Variants in HDAC8 observed in about 807,000 individuals in gnomAD.
The protein encoded by HDAC8 is histone deacetylase 8, also known as histone deacetylase-like 1.
A neutral mutation model predicts 32.2 loss-of-function variants in HDAC8; 1 was observed. That is an observed-to-expected ratio of 0.03 (90% CI 0.01 to 0.15). The LOEUF (loss-of-function observed/expected upper bound fraction) is 0.15. Among genes scored for constraint, HDAC8 ranks in the 10% least tolerant of loss-of-function variants. HDAC8 has a pLI of 1.00. For synonymous variants in HDAC8, 108 were observed against 113.9 expected (o/e 0.95, Z 0.33); for missense variants, 117 against 300.0 (o/e 0.39, Z 4.51).
intron 4 of HDAC8, among the ~76,000 whole-genome samples, chrX:72,503,582 A>G (rs1163485432): frequency 8.9e-6 from 1 of 111,978 alleles, no homozygotes. Flanking sequence ...AAATGTTTGT[A>G]AATGATATCT....
intron 10 of HDAC8, among the ~76,000 whole-genome samples, chrX:72,333,858 G>A (rs1378778493): frequency 4.5e-5 from 5 of 111,242 alleles, no homozygotes; most frequent in Non-Finnish European, 9.4e-5. Flanking sequence ...GGTGTGAAGT[G>A]AGAGTCCTTC....
At chrX:72,506,236 T>G (rs1304762992) in intron 4 of HDAC8, among the ~76,000 whole-genome samples, 1 of 112,610 alleles carries the variant, frequency 8.9e-6, no homozygotes, top group African/African-American at 3.2e-5. Context: ...ACATGAAAGA[T>G]GACTGTCTTA....
intron 9 of HDAC8, among the ~76,000 whole-genome samples, chrX:72,441,047 G>C (rs1269466323): frequency 2.7e-5 from 3 of 113,169 alleles, no homozygotes; most frequent in Non-Finnish European, 5.6e-5. Context: ...CGAACTGGGT[G>C]GAGCCCACCA....
chrX:72,358,212 C>T (rs1318690112), intron 9 of HDAC8, among the ~76,000 whole-genome samples: 3 of 111,487 alleles, frequency 2.7e-5, no homozygotes, highest in African/African-American at 9.8e-5. Context: ...CCACCATGCC[C>T]GGCTCTTCAG....
At chrX:72,482,758 G>T (rs782330186) in intron 7 of HDAC8, among the ~76,000 whole-genome samples, 1 of 111,877 alleles carries the variant, frequency 8.9e-6, no homozygotes, top group South Asian at 3.7e-4. Flanking sequence ...ACAGACGTGG[G>T]TTCAAACACA....
At chrX:72,525,495 T>C (rs1740514077) in intron 4 of HDAC8, among the ~76,000 whole-genome samples, 2 of 110,220 alleles carry the variant, frequency 1.8e-5, no homozygotes, top group African/African-American at 6.6e-5. Flanking sequence ...ATTAATTCCT[T>C]CCTTCAACAA....
intron 4 of HDAC8, among the ~76,000 whole-genome samples, chrX:72,496,975 C>A (rs898008787): frequency 3.6e-5 from 4 of 111,582 alleles, no homozygotes; most frequent in Non-Finnish European, 7.5e-5. Flanking sequence ...CACCCTTTTG[C>A]GTTACGAGAA....
At chrX:72,365,520 A>G (rs1555954040) in intron 9 of HDAC8, among the ~76,000 whole-genome samples, 1 of 111,633 alleles carries the variant, frequency 9.0e-6, no homozygotes, top group African/African-American at 3.3e-5. Context: ...ATAAGGCTTC[A>G]TGGAGGAGAT....
chrX:72,356,566 G>A (rs961698043), intron 9 of HDAC8, among the ~76,000 whole-genome samples: 5 of 110,799 alleles, frequency 4.5e-5, no homozygotes, highest in African/African-American at 1.3e-4. Context: ...AAGCTTGTGG[G>A]AGATACTGCA....
intron 4 of HDAC8, among the ~76,000 whole-genome samples, chrX:72,543,609 T>C (rs1603212788): frequency 1.8e-5 from 2 of 111,773 alleles, no homozygotes; most frequent in Admixed American, 9.4e-5. Context: ...ACTGTAGAAA[T>C]CATAAAGGCA....
At chrX:72,481,750 C>T (rs951681836) in intron 7 of HDAC8, among the ~76,000 whole-genome samples, 3 of 108,638 alleles carry the variant, frequency 2.8e-5, no homozygotes, top group East Asian at 3.0e-4. Flanking sequence ...ATTATAGGTG[C>T]GCACCTATAA....
chrX:72,522,090 T>C (rs2050000483), intron 4 of HDAC8, among the ~76,000 whole-genome samples: 1 of 111,959 alleles, frequency 8.9e-6, no homozygotes, highest in Non-Finnish European at 1.9e-5. Flanking sequence ...ACCCAGTGGG[T>C]GAAACCCAAC....
intron 10 of HDAC8, among the ~76,000 whole-genome samples, chrX:72,330,586 A>G (rs1555940033): frequency 9.0e-6 from 1 of 111,540 alleles, no homozygotes; most frequent in Admixed American, 9.5e-5. Context: ...CCTGTGAAAC[A>G]CGGATTGGGG....
At chrX:72,498,135 C>A (rs2049086709) in intron 4 of HDAC8, among the ~76,000 whole-genome samples, 1 of 98,146 alleles carries the variant, frequency 1.0e-5, no homozygotes, top group Non-Finnish European at 2.0e-5. Context: ...TGATGCAAAG[C>A]TAGAATTTGG....
At chrX:72,462,673 C>T (rs2047898686) in intron 8 of HDAC8, among the ~76,000 whole-genome samples, 1 of 111,491 alleles carries the variant, frequency 9.0e-6, no homozygotes, top group South Asian at 3.8e-4. Flanking sequence ...GAGGAAGGGA[C>T]CGTTGATGGA....
chrX:72,549,118 G>A (rs1231307813), intron 4 of HDAC8, among the ~76,000 whole-genome samples: 5 of 111,564 alleles, frequency 4.5e-5, no homozygotes, highest in Non-Finnish European at 9.4e-5. Flanking sequence ...TGTTGCAGAT[G>A]CATGCGCTAC....
intron 9 of HDAC8, among the ~76,000 whole-genome samples, chrX:72,419,595 CT>C (rs1326311618): frequency 9.0e-6 from 1 of 111,367 alleles, no homozygotes; most frequent in African/African-American, 3.3e-5. Context: ...ATTTGGATGC[CT>C]TTTATTCATT....
intron 4 of HDAC8, among the ~76,000 whole-genome samples, chrX:72,532,698 T>C (rs954085215): frequency 9.0e-6 from 1 of 110,808 alleles, no homozygotes; most frequent in South Asian, 3.8e-4. Context: ...GAATCCTTTA[T>C]ACATTTTTCA....
At chrX:72,441,841 G>A (rs1365066186) in intron 9 of HDAC8, among the ~76,000 whole-genome samples, 2 of 112,007 alleles carry the variant, frequency 1.8e-5, no homozygotes, top group African/African-American at 6.5e-5. Flanking sequence ...AGTGTTTAAA[G>A]GAGCTGATGG....
Sources: allele counts gnomAD v4.1 joint callset (sites outside exome capture counted in the v4.1 genomes callset), GRCh38; gene constraint gnomAD v4.1.1; transcripts MANE v1.5; gene names NCBI Gene and HGNC (gene_info 2026-07-23, HGNC 2026-07-21).